Variants in DLG2 observed in about 807,000 individuals in gnomAD.
DLG2 encodes disks large homolog 2.
In DLG2, 45 loss-of-function variants were observed where a neutral mutation model predicts 132.5. The ratio of observed to expected loss-of-function variants is 0.34; its 90% CI spans 0.27 to 0.44. The LOEUF (loss-of-function observed/expected upper bound fraction) is 0.44, where lower values mean the gene tolerates loss of function less well. Among genes scored for constraint, DLG2 ranks in the 20% least tolerant of loss-of-function variants. The pLI is 1.00. For missense variants in DLG2, 1,045 were observed against 1,196.9 expected (o/e 0.87, Z 1.87); for synonymous variants, 424 against 419.6 (o/e 1.01, Z -0.13).
At chr11:85,340,935 T>C (rs921590982) in intron 3 of DLG2, among the ~76,000 whole-genome samples, 9 of 152,208 alleles carry the variant, frequency 5.9e-5, no homozygotes, top group Non-Finnish European at 1.0e-4. Context: ...TGAACTTTTG[T>C]GTATGATGTG....
At chr11:83,792,859 A>G (rs2041938994) in intron 17 of DLG2, among the ~76,000 whole-genome samples, 1 of 152,158 alleles carries the variant, frequency 6.6e-6, no homozygotes, top group Non-Finnish European at 1.5e-5. Flanking sequence ...TTTGATAGGT[A>G]TCGCCAGACT....
At chr11:85,164,124 GTC>G (rs2078246950) in intron 4 of DLG2, among the ~76,000 whole-genome samples, 1 of 152,100 alleles carries the variant, frequency 6.6e-6, no homozygotes, top group Non-Finnish European at 1.5e-5. Flanking sequence ...GCAGATCAAA[GTC>G]TCTCATCTGA....
intron 21 of DLG2, among the ~76,000 whole-genome samples, chr11:83,488,159 C>T (rs1007906402): frequency 2.0e-5 from 3 of 151,872 alleles, no homozygotes; most frequent in Non-Finnish European, 2.9e-5. Context: ...CAATTGTAGC[C>T]GGTTTCTAAT....
intron 18 of DLG2, among the ~76,000 whole-genome samples, chr11:83,761,253 C>T (rs942887417): frequency 1.3e-5 from 2 of 152,216 alleles, no homozygotes. Context: ...GCTACAAGGA[C>T]ACCCCGTCTA....
intron 6 of DLG2, among the ~76,000 whole-genome samples, chr11:84,829,335 G>A (rs2078728687): frequency 6.6e-6 from 1 of 151,568 alleles, no homozygotes; most frequent in Admixed American, 6.6e-5. Flanking sequence ...TTCTCTGCCT[G>A]AAGACTTTCA....
At chr11:83,839,690 A>T (rs1445883678) in intron 16 of DLG2, among the ~76,000 whole-genome samples, 8 of 152,214 alleles carry the variant, frequency 5.3e-5, no homozygotes, top group Admixed American at 5.2e-4. Context: ...AGTATATATA[A>T]GCCAGAGGAG....
intron 3 of DLG2, among the ~76,000 whole-genome samples, chr11:85,397,034 T>A (rs540828788): frequency 4.3e-4 from 65 of 152,120 alleles, no homozygotes; most frequent in African/African-American, 1.5e-3. Flanking sequence ...AAGAGAGAGG[T>A]TGGGTTACCC....
intron 3 of DLG2, among the ~76,000 whole-genome samples, chr11:85,333,944 C>T: frequency 6.6e-6 from 1 of 151,960 alleles, no homozygotes; most frequent in East Asian, 1.9e-4. Context: ...ATCCTGCCCT[C>T]ACAGAATGAG....
chr11:84,213,711 C>G (rs1236767531), intron 8 of DLG2, among the ~76,000 whole-genome samples: 3 of 148,072 alleles, frequency 2.0e-5, no homozygotes, highest in South Asian at 4.4e-4. Flanking sequence ...CCCAGCTACT[C>G]GGGAGGCTGA....
chr11:84,577,222 C>G (rs530931515), intron 6 of DLG2, among the ~76,000 whole-genome samples: 19 of 152,212 alleles, frequency 1.2e-4, no homozygotes, highest in Middle Eastern at 6.8e-3. Context: ...ATGTCTTTAT[C>G]AAAAGTGTGA....
intron 19 of DLG2, among the ~76,000 whole-genome samples, chr11:83,544,043 A>C (rs1463000387): frequency 1.3e-5 from 2 of 152,192 alleles, no homozygotes. Context: ...ACCAGCCCCC[A>C]GTAAACCTGG....
intron 16 of DLG2, among the ~76,000 whole-genome samples, chr11:83,845,778 G>A (rs1380690551): frequency 1.3e-5 from 2 of 152,194 alleles, no homozygotes; most frequent in African/African-American, 4.8e-5. Flanking sequence ...CATAGATCTA[G>A]GCTTGAATCA....
intron 3 of DLG2, among the ~76,000 whole-genome samples, chr11:85,389,871 T>C (rs2086653271): frequency 6.6e-6 from 1 of 152,114 alleles, no homozygotes; most frequent in Admixed American, 6.5e-5. Flanking sequence ...GCTCTAAATC[T>C]TGAAACAAAT....
At chr11:85,608,296 C>A (rs2153263767) in intron 2 of DLG2, among the ~76,000 whole-genome samples, 1 of 152,222 alleles carries the variant, frequency 6.6e-6, no homozygotes. Flanking sequence ...CCCAAAAACC[C>A]TGAAAAAGAG....
At chr11:85,058,147 A>C (rs1474512860) in intron 6 of DLG2, among the ~76,000 whole-genome samples, 1 of 151,566 alleles carries the variant, frequency 6.6e-6, no homozygotes, top group African/African-American at 2.4e-5. Context: ...TTACATAGTA[A>C]ATCCAAAAGA....
intron 4 of DLG2, among the ~76,000 whole-genome samples, chr11:85,253,040 T>C (rs2152699467): frequency 6.6e-6 from 1 of 152,340 alleles, no homozygotes; most frequent in East Asian, 1.9e-4. Flanking sequence ...TTATATTACA[T>C]ATTTATTATC....
intron 19 of DLG2, among the ~76,000 whole-genome samples, chr11:83,592,623 A>G (rs1377433785): frequency 8.2e-4 from 125 of 151,792 alleles, no homozygotes; most frequent in South Asian, 7.9e-3. Context: ...CAATGGCAAC[A>G]AAAGACAAAA....
chr11:84,336,781 C>A (rs1012632331), intron 7 of DLG2, among the ~76,000 whole-genome samples: 2 of 152,108 alleles, frequency 1.3e-5, no homozygotes, highest in Admixed American at 6.5e-5. Flanking sequence ...TCAAGGGATG[C>A]AGAACATGGC....
At chr11:84,794,987 G>A (rs866241027) in intron 6 of DLG2, among the ~76,000 whole-genome samples, 1 of 152,236 alleles carries the variant, frequency 6.6e-6, no homozygotes, top group Non-Finnish European at 1.5e-5. Context: ...GCAGAAAGGA[G>A]CAGGTCCCTA....
Sources: allele counts gnomAD v4.1 joint callset (sites outside exome capture counted in the v4.1 genomes callset), GRCh38; gene constraint gnomAD v4.1.1; transcripts MANE v1.5; gene names NCBI Gene and HGNC (gene_info 2026-07-23, HGNC 2026-07-21).